PDE4D: variants seen among roughly 807,000 people sequenced by gnomAD.
PDE4D encodes phosphodiesterase 4D, also known as 3',5'-cyclic-AMP phosphodiesterase 4D.
Under a neutral mutation model 87.4 loss-of-function variants are expected in PDE4D, and 24 were observed. The observed-to-expected ratio is 0.27, with a 90% CI of 0.20 to 0.39. PDE4D has a LOEUF of 0.39. PDE4D is among the 10% of genes least tolerant of loss of function. The pLI, the probability that PDE4D is intolerant of heterozygous loss-of-function variation, is 1.00. For missense variants in PDE4D, 714 were observed against 1,041.0 expected (o/e 0.69, Z 4.32); for synonymous variants, 384 against 383.2 (o/e 1.00, Z -0.02).
At chr5:59,997,104 G>A (rs561278815) in intron 2 of PDE4D, among the ~76,000 whole-genome samples, 1 of 152,142 alleles carries the variant, frequency 6.6e-6, no homozygotes, top group Non-Finnish European at 1.5e-5. Flanking sequence ...TTAACCTTTT[G>A]TAAATAGCAT....
intron 1 of PDE4D, chr5:60,429,798 T>A: frequency 3.0e-6 from 1 of 331,154 alleles, no homozygotes; most frequent in Non-Finnish European, 5.9e-6. Context: ...CAGTCTTGCA[T>A]CCTAGGGATA....
chr5:60,113,561 C>A (rs1220108377), intron 2 of PDE4D, among the ~76,000 whole-genome samples: 9 of 152,088 alleles, frequency 5.9e-5, no homozygotes, highest in African/African-American at 2.4e-5. Flanking sequence ...AGTTGCTCAC[C>A]ATGTGTCCAG....
intron 1 of PDE4D, among the ~76,000 whole-genome samples, chr5:59,863,828 G>A (rs1475474115): frequency 6.6e-6 from 1 of 152,164 alleles, no homozygotes; most frequent in East Asian, 1.9e-4. Context: ...GACGAGGGGA[G>A]CCCTTTTGCC....
chr5:59,580,624 T>C (rs1441967624), intron 1 of PDE4D, among the ~76,000 whole-genome samples: 1 of 152,066 alleles, frequency 6.6e-6, no homozygotes, highest in African/African-American at 2.4e-5. Flanking sequence ...TGAACCACCA[T>C]GCCCAGCTAC....
chr5:60,476,603 G>A (rs1231576642), intron 1 of PDE4D, among the ~76,000 whole-genome samples: 1 of 152,170 alleles, frequency 6.6e-6, no homozygotes, highest in Non-Finnish European at 1.5e-5. Flanking sequence ...GCGTGATCTG[G>A]TCCCTTGTTG....
In PDE4D at chr5:60,475,927, CA is replaced by C. The variant is rs1182503404; in HGVS notation, c.-90+12014del. Among the ~76,000 whole-genome samples the C allele has an allele frequency of 3.3e-5, 5 of 151,428 alleles. No homozygotes were observed. In the East Asian group the frequency reaches 9.8e-4, roughly 30 times the overall value. Reference sequence around the variant, plus strand: ...AAGGTGCCTAACATAGAGTGACATTCAGTAGATAATCAATAAGGGGTAATAA... The same window carrying C: ...AAGGTGCCTAACATAGAGTGACATTCGTAGATAATCAATAAGGGGTAATAA... On this transcript the variant is annotated intron_variant, in intron 1 of 16. Coordinates refer to the PDE4D transcript ENST00000502484.
intron 1 of PDE4D, among the ~76,000 whole-genome samples, chr5:59,578,733 A>G (rs918844459): frequency 6.6e-6 from 1 of 152,032 alleles, no homozygotes; most frequent in African/African-American, 2.4e-5. Flanking sequence ...GGCATAAAAC[A>G]AAAACTCCCT....
rs1159951359 is a variant in PDE4D at position 59,402,234 on chromosome 5, C to T, written c.456-186266G>A. ...AAAACTCACTATTGTGATAGAGTGA[C>T]CTCTTTTCATCCTAATTATTTTCCA... On this transcript the variant is annotated intron_variant, in intron 1 of 14. Coordinates refer to ENST00000340635, the MANE Select transcript of PDE4D (RefSeq NM_001104631.2). 2.0e-5 allele frequency among the ~76,000 whole-genome samples: 3 copies of T among 152,180 alleles called. No homozygotes were observed. In the East Asian group the frequency reaches 5.8e-4, roughly 29 times the overall value.
intron 1 of PDE4D, among the ~76,000 whole-genome samples, chr5:59,422,285 T>C (rs1352049254): frequency 6.6e-6 from 1 of 152,152 alleles, no homozygotes; most frequent in Non-Finnish European, 1.5e-5. Flanking sequence ...TCATCAAATT[T>C]CTTCCCTTAG....
intron 3 of PDE4D, among the ~76,000 whole-genome samples, chr5:59,964,279 T>A (rs1021172540): frequency 4.6e-5 from 7 of 152,212 alleles, no homozygotes; most frequent in African/African-American, 1.4e-4. Flanking sequence ...TCAATTTTTT[T>A]AAATAAAATT....
chr5:59,898,052 T>G (rs1016944483), upstream of PDE4D, among the ~76,000 whole-genome samples: 1 of 152,224 alleles, frequency 6.6e-6, no homozygotes, highest in Non-Finnish European at 1.5e-5. Flanking sequence ...CGCAGTATAT[T>G]AGGCTGCTTT....
chr5:59,201,026 T>C (rs1470022172), intron 2 of PDE4D, among the ~76,000 whole-genome samples: 1 of 152,120 alleles, frequency 6.6e-6, no homozygotes, highest in Non-Finnish European at 1.5e-5. Context: ...GATTCCAATC[T>C]ATATTCGGTA....
intron 1 of PDE4D, among the ~76,000 whole-genome samples, chr5:60,452,551 C>T (rs1276153739): frequency 6.6e-6 from 1 of 151,966 alleles, no homozygotes; most frequent in Non-Finnish European, 1.5e-5. Flanking sequence ...TGATATGAAC[C>T]CTGTCCTCAA....
At chr5:59,934,902 CA>C (rs1387760742) in intron 3 of PDE4D, among the ~76,000 whole-genome samples, 3 of 151,880 alleles carry the variant, frequency 2.0e-5, no homozygotes, top group Non-Finnish European at 4.4e-5. Flanking sequence ...GATATAGGTA[CA>C]AAAAAATATT....
intron 1 of PDE4D, among the ~76,000 whole-genome samples, chr5:59,752,321 T>C (rs769408076): frequency 6.6e-6 from 1 of 152,238 alleles, no homozygotes; most frequent in South Asian, 2.1e-4. Context: ...TTGTTAAATA[T>C]ATCATTTGAA....
intron 1 of PDE4D, among the ~76,000 whole-genome samples, chr5:59,688,006 C>T (rs1750209685): frequency 6.6e-6 from 1 of 152,156 alleles, no homozygotes. Context: ...ATCAATTCAA[C>T]AAGAAGAGCT....
chr5:60,092,156 T>C (rs1775210484), intron 2 of PDE4D, among the ~76,000 whole-genome samples: 1 of 147,374 alleles, frequency 6.8e-6, no homozygotes, highest in Admixed American at 6.8e-5. Context: ...TGCAACAACA[T>C]AGATGGAACT....
At chr5:60,504,790 TA>T (rs1328897966) in intron 1 of PDE4D, among the ~76,000 whole-genome samples, 1 of 152,184 alleles carries the variant, frequency 6.6e-6, no homozygotes, top group Non-Finnish European at 1.5e-5. Context: ...GATATTCTTT[TA>T]AATGAGAAGC....
At position 59,763,995 on chromosome 5, in the gene PDE4D, C is replaced by A. The variant is rs534342180; in HGVS notation, c.455+129173G>T. ...CTTCCAGTTGGGAGAACTGGAGGAACCTTTTAGGAAAACCAGGAATTTGAA... is the reference window on the plus strand; with the variant it reads ...CTTCCAGTTGGGAGAACTGGAGGAAACTTTTAGGAAAACCAGGAATTTGAA... On this transcript the variant is annotated intron_variant, in intron 1 of 14. Coordinates refer to ENST00000340635, the MANE Select transcript of PDE4D (RefSeq NM_001104631.2). 5.9e-5 allele frequency among the ~76,000 whole-genome samples: 9 copies of A among 152,212 alleles called. 1 individual carries two copies. Among genetic ancestry groups the A allele is most frequent in the African/African-American group, 1.9e-4 (8 of 41,526 alleles).
Sources: gnomAD v4.1 joint callset for allele counts (sites outside exome capture counted in the v4.1 genomes callset) on GRCh38, gnomAD v4.1.1 for gene constraint, MANE v1.5 for transcripts, NCBI Gene and HGNC (gene_info 2026-07-23, HGNC 2026-07-21) for gene names.